SLC35F1: variants seen among roughly 807,000 people sequenced by gnomAD.
The protein encoded by SLC35F1 is chromosome 6 open reading frame 169.
SLC35F1 carries 14 observed loss-of-function variants against 48.7 expected under a neutral mutation model. The ratio of observed to expected loss-of-function variants is 0.29; its 90% CI spans 0.19 to 0.45. The LOEUF is 0.45. Among genes scored for constraint, SLC35F1 ranks in the 20% least tolerant of loss-of-function variants. The pLI is 1.00. For synonymous variants in SLC35F1, 190 were observed against 202.2 expected (o/e 0.94, Z 0.51); for missense variants, 404 against 500.0 (o/e 0.81, Z 1.83).
At chr6:118,061,448 G>T (rs183779459) in intron 1 of SLC35F1, among the ~76,000 whole-genome samples, 3 of 151,922 alleles carry the variant, frequency 2.0e-5, no homozygotes, top group African/African-American at 7.3e-5. Flanking sequence ...ACTAAAGATT[G>T]TTTACTTGAT....
intron 1 of SLC35F1, among the ~76,000 whole-genome samples, chr6:117,926,560 G>A (rs935797002): frequency 1.3e-5 from 2 of 152,038 alleles, no homozygotes; most frequent in Admixed American, 6.6e-5. Flanking sequence ...TGGCAGTGGG[G>A]GTTATAGAGA....
chr6:117,913,086 T>C (rs113043134), intron 1 of SLC35F1, among the ~76,000 whole-genome samples: 2 of 152,328 alleles, frequency 1.3e-5, no homozygotes, highest in Non-Finnish European at 2.9e-5. Flanking sequence ...ATAAAAATAA[T>C]ATGGAGCATG....
chr6:118,313,996 T>C (rs1220344645), intron 7 of SLC35F1, 32 bp from the exon 8 acceptor site: 9 of 1,603,040 alleles, frequency 5.6e-6, no homozygotes, highest in Non-Finnish European at 7.7e-6. Context: ...CTGCCCTGGC[T>C]GTCAAATGAC....
At chr6:117,970,835 C>G (rs1776628435) in intron 1 of SLC35F1, among the ~76,000 whole-genome samples, 1 of 152,154 alleles carries the variant, frequency 6.6e-6, no homozygotes, top group Non-Finnish European at 1.5e-5. Context: ...TTAGTTCCTA[C>G]TGGGTCCCTT....
At chr6:118,120,617 C>T (rs1773540425) in intron 1 of SLC35F1, among the ~76,000 whole-genome samples, 1 of 152,064 alleles carries the variant, frequency 6.6e-6, no homozygotes, top group Admixed American at 6.6e-5. Flanking sequence ...TCCACCTTTT[C>T]TCAAGATAAT....
At chr6:118,141,406 C>T (rs114231614) in intron 1 of SLC35F1, among the ~76,000 whole-genome samples, 1,914 of 152,204 alleles carry the variant, frequency 0.013, 36 homozygotes, top group African/African-American at 0.043. Context: ...TCTATGATTG[C>T]ACAATTATTA....
At chr6:118,268,262 C>A (rs1037478201) in intron 4 of SLC35F1, among the ~76,000 whole-genome samples, 1 of 152,140 alleles carries the variant, frequency 6.6e-6, no homozygotes, top group African/African-American at 2.4e-5. Context: ...CCAGGGCAGG[C>A]CTCTTTCTCT....
At chr6:118,000,832 G>A (rs1231249565) in intron 1 of SLC35F1, among the ~76,000 whole-genome samples, 1 of 152,114 alleles carries the variant, frequency 6.6e-6, no homozygotes, top group African/African-American at 2.4e-5. Flanking sequence ...CAAATCATGA[G>A]TGAACTCCCA....
At chr6:118,110,868 C>A (rs1773389110) in intron 1 of SLC35F1, among the ~76,000 whole-genome samples, 1 of 151,846 alleles carries the variant, frequency 6.6e-6, no homozygotes, top group African/African-American at 2.4e-5. Flanking sequence ...TATTTCCCTT[C>A]CCCCTTGTGG....
intron 1 of SLC35F1, among the ~76,000 whole-genome samples, chr6:118,137,515 A>T (rs914103257): frequency 4.6e-5 from 7 of 152,110 alleles, no homozygotes. Flanking sequence ...CTCCCATCCC[A>T]GTCCTTCCAT....
At chr6:118,184,159 C>A (rs1774623019) in intron 2 of SLC35F1, among the ~76,000 whole-genome samples, 1 of 152,162 alleles carries the variant, frequency 6.6e-6, no homozygotes, top group Non-Finnish European at 1.5e-5. Context: ...AACAATATAA[C>A]ATATACTATG....
At chr6:118,175,911 T>C (rs1450204665) in intron 2 of SLC35F1, among the ~76,000 whole-genome samples, 1 of 152,054 alleles carries the variant, frequency 6.6e-6, no homozygotes, top group Admixed American at 6.6e-5. Flanking sequence ...TAACTTTTCT[T>C]ATTTATAGTG....
At chr6:118,009,650 A>C (rs1006326418) in intron 1 of SLC35F1, among the ~76,000 whole-genome samples, 1 of 151,818 alleles carries the variant, frequency 6.6e-6, no homozygotes, top group African/African-American at 2.4e-5. Flanking sequence ...TTTGACTACA[A>C]CTCTGTAAAG....
chr6:117,927,065 C>T (rs1234377321), intron 1 of SLC35F1, among the ~76,000 whole-genome samples: 1 of 152,160 alleles, frequency 6.6e-6, no homozygotes, highest in Non-Finnish European at 1.5e-5. Context: ...TATCTAAACT[C>T]ACTGAGCTTT....
intron 1 of SLC35F1, among the ~76,000 whole-genome samples, chr6:117,916,127 G>A (rs1008669937): frequency 3.3e-5 from 5 of 152,152 alleles, no homozygotes; most frequent in East Asian, 1.9e-4. Context: ...GATGCCTGCC[G>A]GACTACAGAC....
chr6:118,018,780 G>A (rs1050427831), intron 1 of SLC35F1, among the ~76,000 whole-genome samples: 5 of 152,118 alleles, frequency 3.3e-5, no homozygotes, highest in African/African-American at 1.2e-4. Context: ...CAGTTGCAGT[G>A]GTATGCAGTC....
At chr6:118,072,822 C>T (rs1231704567) in intron 1 of SLC35F1, among the ~76,000 whole-genome samples, 4 of 151,998 alleles carry the variant, frequency 2.6e-5, no homozygotes, top group Non-Finnish European at 4.4e-5. Flanking sequence ...CACAGAATTC[C>T]AGAGTTTGGT....
chr6:118,010,982 T>C (rs1263119066), intron 1 of SLC35F1, among the ~76,000 whole-genome samples: 2 of 152,186 alleles, frequency 1.3e-5, no homozygotes, highest in Non-Finnish European at 2.9e-5. Context: ...GAGACATTTT[T>C]GGTTGTTAGA....
intron 1 of SLC35F1, among the ~76,000 whole-genome samples, chr6:118,030,282 G>A (rs552538601): frequency 6.6e-6 from 1 of 152,340 alleles, no homozygotes; most frequent in East Asian, 1.9e-4. Flanking sequence ...CACTTGAACA[G>A]AGTGTAGCTC....
Sources: allele counts gnomAD v4.1 joint callset (sites outside exome capture counted in the v4.1 genomes callset), GRCh38; gene constraint gnomAD v4.1.1; transcripts MANE v1.5; gene names NCBI Gene and HGNC (gene_info 2026-07-23, HGNC 2026-07-21).